RAP1GAP2: variants seen among roughly 807,000 people sequenced by gnomAD.
The protein encoded by RAP1GAP2 is rap1 GTPase-activating protein 2.
RAP1GAP2 carries 27 observed loss-of-function variants against 95.0 expected under a neutral mutation model. The observed-to-expected ratio is 0.28, with a 90% CI of 0.21 to 0.39. RAP1GAP2 has a LOEUF of 0.39. RAP1GAP2 is among the 10% of genes least tolerant of loss of function. The probability of loss-of-function intolerance (pLI) is 1.00; values close to 1 mark genes in which losing one functional copy is unlikely to be tolerated. For synonymous variants in RAP1GAP2, 373 were observed against 380.9 expected (o/e 0.98, Z 0.24); for missense variants, 771 against 970.0 (o/e 0.79, Z 2.72).
intron 2 of RAP1GAP2, among the ~76,000 whole-genome samples, chr17:2,805,561 G>C (rs2069479044): frequency 6.6e-6 from 1 of 151,824 alleles, no homozygotes. Context: ...TAGTAGAGAT[G>C]GGGGTTTCAC....
At chr17:2,807,650 C>A (rs1021631688) in intron 2 of RAP1GAP2, among the ~76,000 whole-genome samples, 1 of 152,098 alleles carries the variant, frequency 6.6e-6, no homozygotes, top group Non-Finnish European at 1.5e-5. Flanking sequence ...CCGACCCTCA[C>A]GAAGGCAGTG....
chr17:2,897,103 G>A lies in RAP1GAP2; in HGVS notation c.81-8181G>A, dbSNP rs554708665. Among the ~76,000 whole-genome samples the A allele has an allele frequency of 1.6e-3, 251 of 152,320 alleles. 1 individual carries two copies. The highest frequency in any genetic ancestry group is 1.6e-3 in the Non-Finnish European group (106 of 68,028). On this transcript the variant is annotated intron_variant, in intron 2 of 24. Transcript: ENST00000254695. Reference sequence around the variant, plus strand: ...TATAATCCCAGCGCTTTGGGAGGCTGAGGCGGGTAGATCGCCTGAGGTCAG... The same window carrying A: ...TATAATCCCAGCGCTTTGGGAGGCTAAGGCGGGTAGATCGCCTGAGGTCAG...
chr17:2,928,885 G>A (rs2043052177), intron 3 of RAP1GAP2, among the ~76,000 whole-genome samples: 1 of 152,080 alleles, frequency 6.6e-6, no homozygotes, highest in Admixed American at 6.6e-5. Flanking sequence ...GCTCTGGGCA[G>A]GCTCCTGAGA....
intron 2 of RAP1GAP2, among the ~76,000 whole-genome samples, chr17:2,849,407 C>T (rs535793537): frequency 5.8e-4 from 88 of 152,260 alleles, no homozygotes; most frequent in Non-Finnish European, 1.1e-3. Context: ...ACGAGGGGCA[C>T]GGGGATTGGG....
chr17:2,810,501 T>C (rs962323489), intron 2 of RAP1GAP2, among the ~76,000 whole-genome samples: 1 of 146,868 alleles, frequency 6.8e-6, no homozygotes, highest in Non-Finnish European at 1.5e-5. Context: ...TTTAATGCTA[T>C]CCCTCCCCTG....
chr17:3,013,637 T>TC (rs1442578723), intron 17 of RAP1GAP2, among the ~76,000 whole-genome samples: 2 of 136,576 alleles, frequency 1.5e-5, no homozygotes, highest in African/African-American at 5.5e-5. Context: ...CTTTTCTTTT[T>TC]TTTTTTTTTT....
At chr17:3,032,219 A>T (rs1037016809) in intron 23 of RAP1GAP2, among the ~76,000 whole-genome samples, 192 bp from the exon 24 acceptor site, 3 of 151,314 alleles carry the variant, frequency 2.0e-5, no homozygotes, top group Non-Finnish European at 4.4e-5. Flanking sequence ...CGGGTCCCCC[A>T]GTCCCTTTCT....
chr17:2,915,472 C>T (rs962183231), intron 3 of RAP1GAP2, among the ~76,000 whole-genome samples: 3 of 151,794 alleles, frequency 2.0e-5, no homozygotes, highest in African/African-American at 4.8e-5. Flanking sequence ...TGAGCTCAAG[C>T]GATCCGCCCA....
intron 1 of RAP1GAP2, among the ~76,000 whole-genome samples, chr17:2,763,125 T>C (rs112769681): frequency 1.3e-5 from 2 of 152,314 alleles, no homozygotes; most frequent in African/African-American, 4.8e-5. Flanking sequence ...CTTTTCCTTA[T>C]ATTCAATGCA....
chr17:3,015,841 C>CAAAAGAGGAAGGGAGGTTGTCCACATG (rs2046746991), intron 17 of RAP1GAP2, among the ~76,000 whole-genome samples: 2 of 150,546 alleles, frequency 1.3e-5, no homozygotes, highest in African/African-American at 4.9e-5. Context: ...AAAGATGGCT[C>CAAAAGAGGAAGGGAGGTTGTCCACATG]AAAAGAGGAA....
In RAP1GAP2 at chr17:3,005,295, A is replaced by G. The variant is rs898890938; in HGVS notation, c.1201-74A>G. ...GGAGGGAGAAGGTGAGTAGCTTTGT[A>G]AGGAGCGTGGCTCCCGTAGGGGCAG... On this transcript the variant is annotated intron_variant, in intron 14 of 24. Coordinates refer to ENST00000254695, the MANE Select transcript of RAP1GAP2 (RefSeq NM_015085.5). The surrounding 1 kb of genome is among the most constrained non-coding windows in gnomAD (Gnocchi z 5.2). The G allele has an allele frequency of 3.6e-6, 5 of 1,396,564 alleles. No homozygotes were observed. Among genetic ancestry groups the G allele is most frequent in the Non-Finnish European group, 5.1e-6 (5 of 981,772 alleles). 86.5% of individuals were successfully genotyped at this position (1,396,564 alleles called of 1,614,324 possible).
At chr17:2,988,951 C>T (rs528819326) in intron 11 of RAP1GAP2, among the ~76,000 whole-genome samples, 37 of 151,930 alleles carry the variant, frequency 2.4e-4, no homozygotes, top group Middle Eastern at 3.4e-3. Flanking sequence ...CCCAGCTACT[C>T]GGGAGGCTGA....
chr17:2,877,266 T>A (rs947485194), intron 2 of RAP1GAP2, among the ~76,000 whole-genome samples: 1 of 152,164 alleles, frequency 6.6e-6, no homozygotes, highest in Non-Finnish European at 1.5e-5. Context: ...CAGAGACGGA[T>A]CATATCTCCC....
At chr17:2,953,369 T>G (rs1389232268) in intron 3 of RAP1GAP2, among the ~76,000 whole-genome samples, 1 of 152,114 alleles carries the variant, frequency 6.6e-6, no homozygotes, top group African/African-American at 2.4e-5. Context: ...CTGGCTGTTT[T>G]TATAAAATTG....
intron 8 of RAP1GAP2, among the ~76,000 whole-genome samples, chr17:2,968,250 G>C (rs1381616373): frequency 2.6e-5 from 4 of 152,048 alleles, no homozygotes; most frequent in African/African-American, 9.7e-5. Flanking sequence ...AATAAAAATG[G>C]ACAAAAAGAA....
chr17:2,794,591 T>G (rs552763086), upstream of RAP1GAP2, among the ~76,000 whole-genome samples: 1 of 152,322 alleles, frequency 6.6e-6, no homozygotes, highest in Admixed American at 6.5e-5. Flanking sequence ...ACTAGCTGCC[T>G]TGGAGGTAGA....
chr17:2,963,930 G>A lies in RAP1GAP2; in HGVS notation c.354G>A (p.Glu118=), dbSNP rs1314677910. ...GGGGCTATTGGATCGAGGACCCGGAGAACGTGGGCACCCCAACATCGCTGG... is the reference window on the plus strand; with the variant it reads ...GGGGCTATTGGATCGAGGACCCGGAAAACGTGGGCACCCCAACATCGCTGG... The part of the protein sequence containing the change: ...QFGGYWIEDP[E]NVGTPTSLGS... Residue 118 remains glutamate, a synonymous_variant, in exon 7 of 25, where the codon GAG becomes GAA. Transcript: ENST00000254695. This position sits in a 1 kb window ranked among gnomAD's most constrained non-coding sequence, Gnocchi z 4.8. The A allele has an allele frequency of 1.2e-6, 2 of 1,613,402 alleles. No individual in the cohort carries two copies. Among genetic ancestry groups the A allele is most frequent in the East Asian group, 2.2e-5 (1 of 44,790 alleles).
chr17:3,002,608 T>G (rs901177737), intron 14 of RAP1GAP2, among the ~76,000 whole-genome samples: 1 of 152,130 alleles, frequency 6.6e-6, no homozygotes, highest in Non-Finnish European at 1.5e-5. Context: ...AAGGCTGAGA[T>G]TTCCTCTGGG....
chr17:2,792,851 C>G (rs1164051071), upstream of RAP1GAP2, among the ~76,000 whole-genome samples: 1 of 152,234 alleles, frequency 6.6e-6, no homozygotes, highest in Non-Finnish European at 1.5e-5. Flanking sequence ...GTGCCTGGGC[C>G]GGAGTCTGTC....
Sources: gnomAD v4.1 joint callset for allele counts (sites outside exome capture counted in the v4.1 genomes callset) on GRCh38, gnomAD v4.1.1 for gene constraint, Gnocchi (gnomAD v3.1) non-coding constraint, MANE v1.5 for transcripts, NCBI Gene and HGNC (gene_info 2026-07-23, HGNC 2026-07-21) for gene names.